The following ERAP1 variants were observed in gnomAD, a reference collection of about 807,000 sequenced individuals.
ERAP1 encodes the protein adipocyte-derived leucine aminopeptidase.
ERAP1 carries 86 observed loss-of-function variants against 103.7 expected under a neutral mutation model. That is an observed-to-expected ratio of 0.83 (90% confidence interval 0.70 to 0.99). The LOEUF (loss-of-function observed/expected upper bound fraction) is 0.99. Among genes scored for constraint, ERAP1 ranks in the 50% least tolerant of loss-of-function variants. The pLI is 0.00. For synonymous variants in ERAP1, 398 were observed against 402.4 expected (o/e 0.99, Z 0.13); for missense variants, 1,009 against 1,128.4 (o/e 0.89, Z 1.52).
At position 96,781,192 on chromosome 5, in the gene ERAP1, T is replaced by C; in HGVS notation, c.2454A>G (p.Leu818=). 6.2e-7 allele frequency: 1 copy of C among 1,612,518 alleles called. No homozygotes were observed. The highest frequency in any genetic ancestry group is 8.5e-7 in the Non-Finnish European group (1 of 1,179,278). The change falls in exon 17 of 19, where the codon CTA becomes CTG. Residue 818 remains leucine, a synonymous_variant. Transcript: ENST00000443439. ...TTTTATCTCCCTTAAAGCTTTCATCTAGTAGCCTAGAAGGATTAAGAAAAG... is the reference window on the plus strand; with the variant it reads ...TTTTATCTCCCTTAAAGCTTTCATCCAGTAGCCTAGAAGGATTAAGAAAAG... ...TQNKEKLQWL[L]DESFKGDKIK...
rs909173743 is a variant in ERAP1, at chr5:96,774,512, C to CA, written c.*1883dup. 4 of 986,084 alleles carry CA rather than the reference C, an allele frequency of 4.1e-6. No homozygotes were observed. In the African/African-American group the frequency reaches 5.2e-5, roughly 13 times the overall value. 61.1% of individuals were successfully genotyped at this position (986,084 alleles called of 1,614,324 possible). A position where few individuals can be genotyped will look rare whatever the true frequency, so the allele number is the denominator to read the frequency against. On this transcript the variant is annotated 3_prime_UTR_variant, in exon 19 of 19. Transcript: ENST00000443439. ...GAGGCAAAGAACAATTTTTTATTATCAAAAAGGTTTCTGCACATTGTTGTG... is the reference window on the plus strand; with the variant it reads ...GAGGCAAAGAACAATTTTTTATTATCAAAAAAGGTTTCTGCACATTGTTGTG...
At chr5:96,877,760 T>G in the ERAP1 span, among the ~76,000 whole-genome samples, 25 of 152,152 alleles carry the variant, frequency 1.6e-4, no homozygotes, top group Admixed American at 5.9e-4. Context: ...AAATTCAAGC[T>G]AATAGACCAA....
chr5:96,789,960 G>A (rs533024818), intron 10 of ERAP1, among the ~76,000 whole-genome samples: 1 of 152,322 alleles, frequency 6.6e-6, no homozygotes, highest in South Asian at 2.1e-4. Context: ...TACAAATGCA[G>A]AGCTCTGTAA....
chr5:96,868,240 G>T, the ERAP1 span, among the ~76,000 whole-genome samples: 1 of 152,168 alleles, frequency 6.6e-6, no homozygotes, highest in Non-Finnish European at 1.5e-5. Context: ...ATGACCTGCT[G>T]CATATTATTG....
chr5:96,766,879 A>G (rs2150738526), intron 19 of ERAP1, among the ~76,000 whole-genome samples: 1 of 152,262 alleles, frequency 6.6e-6, no homozygotes, highest in East Asian at 1.9e-4. Context: ...CCTGGTTTAA[A>G]TAGCAGTGTC....
chr5:96,911,002 T>C, the ERAP1 span, among the ~76,000 whole-genome samples: 1 of 152,224 alleles, frequency 6.6e-6, no homozygotes, highest in Non-Finnish European at 1.5e-5. Flanking sequence ...GAAAACAATA[T>C]GTATTATAAT....
the ERAP1 span, chr5:96,901,753 A>G: frequency 1.3e-6 from 2 of 1,481,556 alleles, no homozygotes; most frequent in Non-Finnish European, 1.8e-6. Flanking sequence ...GCTTTCTCTC[A>G]GCTCATCTGG....
At chr5:96,880,887 A>G in the ERAP1 span, 2 of 160,958 alleles carry the variant, frequency 1.2e-5, no homozygotes, top group South Asian at 3.2e-4. Flanking sequence ...TGAATGAAAT[A>G]AAACAAGGTG....
At chr5:96,893,835 C>G in the ERAP1 span, among the ~76,000 whole-genome samples, 3 of 152,178 alleles carry the variant, frequency 2.0e-5, no homozygotes, top group African/African-American at 7.2e-5. Flanking sequence ...TTTTACCTCT[C>G]CATCCTCATC....
the ERAP1 span, chr5:96,935,556 T>A: frequency 3.3e-5 from 5 of 152,958 alleles, no homozygotes; most frequent in African/African-American, 9.6e-5. Flanking sequence ...GACTTCGGCT[T>A]CAGTGGCACC....
At chr5:96,894,129 C>T in the ERAP1 span, among the ~76,000 whole-genome samples, 2 of 152,184 alleles carry the variant, frequency 1.3e-5, no homozygotes, top group South Asian at 4.1e-4. Context: ...ATATTATATA[C>T]ATCTTTGTAT....
At chr5:96,867,244 C>A in the ERAP1 span, among the ~76,000 whole-genome samples, 13 of 152,076 alleles carry the variant, frequency 8.5e-5, no homozygotes, top group East Asian at 2.5e-3. Context: ...TGAGCTGAGG[C>A]AATCCCTCTG....
chr5:96,798,580 T>C (rs2013671), intron 3 of ERAP1, among the ~76,000 whole-genome samples: 24,463 of 104,190 alleles, frequency 0.23, 2,228 homozygotes, highest in Non-Finnish European at 0.32. Context: ...TCTGACCTCA[T>C]CTTTTTTTTT....
the ERAP1 span, among the ~76,000 whole-genome samples, chr5:96,906,111 CT>C: frequency 6.6e-6 from 1 of 151,940 alleles, no homozygotes; most frequent in African/African-American, 2.4e-5. Flanking sequence ...CTATTTAGTT[CT>C]TTAGTGGACA....
rs11135480 is a variant in ERAP1, at chr5:96,774,878, T to C, written c.*1518A>G. 1 of 985,080 alleles carries C rather than the reference T, an allele frequency of 1.0e-6. No individual in the cohort carries two copies. The highest frequency in any genetic ancestry group is 1.2e-6 in the Non-Finnish European group (1 of 829,558). The allele number at this position is 985,080 out of a possible 1,614,324, so 61.0% of individuals were successfully genotyped here. A position where few individuals can be genotyped will look rare whatever the true frequency, so the allele number is the denominator to read the frequency against. ...ATTTATGTCCAGAAGTCACTCTATT[T>C]TGTCGTGTATTAGGGGAACACATTT... On this transcript the variant is annotated 3_prime_UTR_variant, in exon 19 of 19. Transcript: ENST00000443439.
the ERAP1 span, chr5:96,896,795 A>C: frequency 2.9e-6 from 4 of 1,381,592 alleles, no homozygotes; most frequent in Middle Eastern, 2.0e-4. Context: ...GAAAGGAATA[A>C]TTCAGTACTT....
the ERAP1 span, among the ~76,000 whole-genome samples, chr5:96,878,756 C>T: frequency 6.6e-6 from 1 of 151,962 alleles, no homozygotes; most frequent in South Asian, 2.1e-4. Context: ...GGTGAAACCC[C>T]GTCTCTACTA....
the ERAP1 span, chr5:96,909,119 T>C: frequency 1.2e-6 from 2 of 1,613,610 alleles, no homozygotes; most frequent in Non-Finnish European, 1.7e-6. Flanking sequence ...AACCTCAAGG[T>C]TTGTGTTGCT....
chr5:96,903,584 T>C, the ERAP1 span: 1 of 1,572,804 alleles, frequency 6.4e-7, no homozygotes, highest in African/African-American at 1.4e-5. Context: ...TCCTCTGACT[T>C]CATGCAAAAT....
Sources: gnomAD v4.1 joint callset for allele counts (sites outside exome capture counted in the v4.1 genomes callset) on GRCh38, gnomAD v4.1.1 for gene constraint, MANE v1.5 for transcripts, NCBI Gene and HGNC (gene_info 2026-07-23, HGNC 2026-07-21) for gene names.